The following TENM1 variants were observed in gnomAD, a reference collection of about 807,000 sequenced individuals.
TENM1 encodes the protein teneurin transmembrane protein 1.
TENM1 carries 35 observed loss-of-function variants against 174.8 expected under a neutral mutation model. That is an observed-to-expected ratio of 0.20 (90% CI 0.15 to 0.27). The LOEUF is 0.27. Ranked by LOEUF, TENM1 falls within the 10% of genes least tolerant of loss-of-function variation. TENM1 has a pLI of 1.00. For missense variants in TENM1, 1,633 were observed against 2,130.1 expected, an observed-to-expected ratio of 0.77 and a Z score of 4.59; for synonymous variants, 781 against 798.7, an observed-to-expected ratio of 0.98 and a Z score of 0.37.
intron 1 of TENM1, among the ~76,000 whole-genome samples, chrX:124,947,367 T>C (rs1468069823): frequency 8.9e-6 from 1 of 112,153 alleles, no homozygotes; most frequent in African/African-American, 3.2e-5. Context: ...CCTTTCTACA[T>C]ATACATTACA....
chrX:124,387,022 C>T (rs1207655603), intron 28 of TENM1, among the ~76,000 whole-genome samples: 1 of 106,919 alleles, frequency 9.4e-6, no homozygotes, highest in Non-Finnish European at 1.9e-5. Flanking sequence ...CAGGGCATTT[C>T]ACAAATTAAT....
the TENM1 span, among the ~76,000 whole-genome samples, chrX:125,080,912 T>A: frequency 9.0e-6 from 1 of 111,274 alleles, no homozygotes; most frequent in Admixed American, 9.6e-5. Context: ...CCCCGATACT[T>A]ACCCTGGACA....
intron 4 of TENM1, among the ~76,000 whole-genome samples, chrX:124,705,939 C>T (rs893633464): frequency 1.8e-5 from 2 of 111,919 alleles, no homozygotes; most frequent in African/African-American, 6.5e-5. Flanking sequence ...TGGAATCTCG[C>T]TCTGTCACCA....
chrX:124,760,373 C>T, intron 3 of TENM1, among the ~76,000 whole-genome samples: 1 of 111,586 alleles, frequency 9.0e-6, no homozygotes, highest in Admixed American at 9.5e-5. Context: ...AAGATAGCTG[C>T]TTTAAGAGAG....
rs193093071 is a variant in TENM1, at chrX:124,809,837, A to G, written c.536-72640T>C. On this transcript the variant is annotated intron_variant, in intron 3 of 31. Coordinates refer to ENST00000422452, the Ensembl canonical transcript of TENM1. ...GGGGAAGCAAGGCATATCTTACATG[A>G]CAGCAGGAGAGAGAGAGAGAGAGAG... 2.0e-3 allele frequency among the ~76,000 whole-genome samples: 153 copies of G among 77,596 alleles called. 1 individual carries two copies. The highest frequency in any genetic ancestry group is 7.2e-3 in the African/African-American group (145 of 20,109). 67.4% of individuals were successfully genotyped at this position (77,596 alleles called of 115,157 possible). A position where few individuals can be genotyped will look rare whatever the true frequency, so the allele number is the denominator to read the frequency against.
intron 22 of TENM1, among the ~76,000 whole-genome samples, chrX:124,460,538 T>C (rs778933725): frequency 2.7e-5 from 3 of 109,908 alleles, no homozygotes; most frequent in South Asian, 3.9e-4. Flanking sequence ...TGGGAACACA[T>C]AGACACATAG....
intron 11 of TENM1, among the ~76,000 whole-genome samples, chrX:124,640,212 G>T (rs1223368902): frequency 9.0e-6 from 1 of 111,334 alleles, no homozygotes; most frequent in African/African-American, 3.3e-5. Context: ...TTAGCATTTT[G>T]ATCATTTTCT....
At chrX:124,960,424 G>A (rs980670123) in intron 1 of TENM1, among the ~76,000 whole-genome samples, 22 of 112,160 alleles carry the variant, frequency 2.0e-4, no homozygotes, top group African/African-American at 6.5e-4. Flanking sequence ...TGTTTTGAGT[G>A]TCTATTTTCT....
At chrX:124,951,639 AATATATAT>A (rs1156297240) in intron 1 of TENM1, among the ~76,000 whole-genome samples, 925 of 63,017 alleles carry the variant, frequency 0.015, 22 homozygotes, top group African/African-American at 0.056. Flanking sequence ...GAAAAGTTAA[AATATATAT>A]ATATATATAT....
chrX:124,683,135 A>G (rs1215932091), intron 5 of TENM1, among the ~76,000 whole-genome samples: 1 of 112,035 alleles, frequency 8.9e-6, no homozygotes, highest in Non-Finnish European at 1.9e-5. Flanking sequence ...GTGTTCTGCA[A>G]TTAAAAGGAT....
At chrX:124,671,894 C>T in intron 5 of TENM1, 59 bp from the exon 9 acceptor site, 2 of 1,139,133 alleles carry the variant, frequency 1.8e-6, no homozygotes, top group Middle Eastern at 2.4e-4. Flanking sequence ...CATCTCCAAG[C>T]CAGGTATCCC....
chrX:124,551,161 T>C (rs765400899), intron 14 of TENM1, among the ~76,000 whole-genome samples: 1 of 112,375 alleles, frequency 8.9e-6, no homozygotes, highest in East Asian at 2.8e-4. Context: ...ACTCACTCTA[T>C]AAGTTGTTGT....
At position 124,523,321 on chromosome X, in the gene TENM1, CATG is replaced by C. The variant is rs763763726; in HGVS notation, c.3033+40_3033+42del. 4 of 1,183,872 alleles carry C rather than the reference CATG, an allele frequency of 3.4e-6. No individual in the cohort carries two copies. The Admixed American group carries it at 6.6e-5, about 19-fold the overall frequency. On this transcript the variant is annotated intron_variant, in intron 17 of 31. Coordinates refer to ENST00000422452, the Ensembl canonical transcript of TENM1. ...AGCTATTATACACTGTTGACCACTC[CATG>C]ATATTATTATTTTATACATTCAAAG... is the stretch of plus-strand genomic sequence containing the variant.
intron 11 of TENM1, among the ~76,000 whole-genome samples, chrX:124,621,478 G>GAAAAC (rs766777159): frequency 5.4e-5 from 6 of 111,701 alleles, no homozygotes; most frequent in Admixed American, 9.5e-5. Context: ...GTCTCAAAAT[G>GAAAAC]AAAACAAAAC....
rs1418097133 is a variant in TENM1, at chrX:124,442,997, C to CT, written c.4104+10339dup. ...CTTTAAAACTACTGTTTTTTTTTTT[C>CT]TTTTTTTTCCACCCAGATTGCTGTA... is the stretch of plus-strand genomic sequence containing the variant. On this transcript the variant is annotated intron_variant, in intron 23 of 31. Transcript: ENST00000422452. Among the ~76,000 whole-genome samples the CT allele has an allele frequency of 3.5e-5, 3 of 85,072 alleles. 1 individual carries two copies. The highest frequency in any genetic ancestry group is 1.3e-4 in the African/African-American group (3 of 22,368). The allele number at this position is 85,072 out of a possible 115,157, so 73.9% of individuals were successfully genotyped here. A position where few individuals can be genotyped will look rare whatever the true frequency, so the allele number is the denominator to read the frequency against.
chrX:124,757,444 C>T (rs943188167), intron 3 of TENM1, among the ~76,000 whole-genome samples: 10 of 112,778 alleles, frequency 8.9e-5, no homozygotes, highest in African/African-American at 3.2e-4. Context: ...CCTTGCGCTT[C>T]CCGAGTGAGG....
the TENM1 span, among the ~76,000 whole-genome samples, chrX:124,992,465 T>C: frequency 9.0e-6 from 1 of 111,532 alleles, no homozygotes; most frequent in Non-Finnish European, 1.9e-5. Flanking sequence ...AGACTAGTCA[T>C]AGAAACTAGA....
the TENM1 span, among the ~76,000 whole-genome samples, chrX:125,123,719 AAAC>A: frequency 5.3e-5 from 6 of 112,532 alleles, no homozygotes; most frequent in Admixed American, 5.7e-4. Context: ...GTAACTTATA[AAAC>A]AACATTAATA....
chrX:125,157,820 TA>T, the TENM1 span, among the ~76,000 whole-genome samples: 1 of 111,846 alleles, frequency 8.9e-6, no homozygotes, highest in African/African-American at 3.3e-5. Flanking sequence ...ACACTTCACT[TA>T]AACACATACC....
Sources: gnomAD v4.1 joint callset for allele counts (sites outside exome capture counted in the v4.1 genomes callset) on GRCh38, gnomAD v4.1.1 for gene constraint, MANE v1.5 for transcripts, NCBI Gene and HGNC (gene_info 2026-07-23, HGNC 2026-07-21) for gene names.